SLC26A7: variants seen among roughly 807,000 people sequenced by gnomAD.
SLC26A7 encodes the protein anion exchange transporter.
In SLC26A7, 59 loss-of-function variants were observed where a neutral mutation model predicts 82.5. The ratio of observed to expected loss-of-function variants is 0.72; its 90% CI spans 0.58 to 0.89. The LOEUF (loss-of-function observed/expected upper bound fraction) is 0.89. Among genes scored for constraint, SLC26A7 ranks in the 40% least tolerant of loss-of-function variants. SLC26A7 has a pLI of 0.00. For missense variants in SLC26A7, 820 were observed against 793.0 expected (o/e 1.03, Z -0.41); for synonymous variants, 271 against 274.3 (o/e 0.99, Z 0.12).
At chr8:91,360,362 C>CA (rs1308308080) in intron 11 of SLC26A7, among the ~76,000 whole-genome samples, 1 of 151,782 alleles carries the variant, frequency 6.6e-6, no homozygotes, top group Non-Finnish European at 1.5e-5. Context: ...GAACACATAA[C>CA]AAAAAATAAA....
At position 91,221,812 on chromosome 8, in the gene SLC26A7, G is replaced by A. The variant is rs566369152; in HGVS notation, c.-34+2807G>A. Among the ~76,000 whole-genome samples the A allele has an allele frequency of 2.6e-5, 4 of 152,160 alleles. No individual in the cohort carries two copies. In the East Asian group the frequency reaches 7.7e-4, roughly 29 times the overall value. On this transcript the variant is annotated intron_variant, in intron 2 of 5. Transcript: ENST00000522862. ...TTTGAAGTCAGGTAGCATGATGCCT[G>A]TAGCTTTGTTCTTTTTGCTTAGGAT...
At chr8:91,340,993 T>C (rs1022919305) in intron 8 of SLC26A7, among the ~76,000 whole-genome samples, 2 of 152,066 alleles carry the variant, frequency 1.3e-5, no homozygotes, top group African/African-American at 4.8e-5. Flanking sequence ...TGTTTCTTTT[T>C]TTTTTTTTAT....
At chr8:91,231,549 TCTTTC>T (rs2130674454) in intron 2 of SLC26A7, among the ~76,000 whole-genome samples, 1 of 151,632 alleles carries the variant, frequency 6.6e-6, no homozygotes, top group East Asian at 1.9e-4. Context: ...TCTTTTCCTT[TCTTTC>T]CTTTTCTTTT....
At chr8:91,280,092 C>T (rs1034692239) in intron 2 of SLC26A7, among the ~76,000 whole-genome samples, 4 of 152,140 alleles carry the variant, frequency 2.6e-5, no homozygotes, top group African/African-American at 9.7e-5. Context: ...TGTGCAGAAG[C>T]TTTTTAGTTT....
intron 2 of SLC26A7, among the ~76,000 whole-genome samples, chr8:91,281,988 A>G (rs950109501): frequency 1.3e-5 from 2 of 152,158 alleles, no homozygotes; most frequent in Non-Finnish European, 2.9e-5. Flanking sequence ...TTATTGAGGT[A>G]AAATTTGCAC....
intron 5 of SLC26A7, among the ~76,000 whole-genome samples, chr8:91,327,449 C>T (rs1291499415): frequency 6.6e-6 from 1 of 152,054 alleles, no homozygotes; most frequent in Non-Finnish European, 1.5e-5. Flanking sequence ...GGTGGTGCTA[C>T]TGTTGTCTTA....
intron 1 of SLC26A7, among the ~76,000 whole-genome samples, chr8:91,210,435 C>T (rs1809888112): frequency 6.6e-6 from 1 of 152,048 alleles, no homozygotes; most frequent in Admixed American, 6.6e-5. Context: ...GAAACACTGT[C>T]ATGTGAAAGA....
At chr8:91,220,110 C>T (rs760909847) in intron 2 of SLC26A7, among the ~76,000 whole-genome samples, 1 of 151,992 alleles carries the variant, frequency 6.6e-6, no homozygotes, top group Non-Finnish European at 1.5e-5. Context: ...TGGAGCACAG[C>T]AAAGAGATCC....
intron 2 of SLC26A7, among the ~76,000 whole-genome samples, chr8:91,258,226 T>C (rs552398145): frequency 6.6e-6 from 1 of 152,238 alleles, no homozygotes; most frequent in East Asian, 1.9e-4. Context: ...TATTGGTTAA[T>C]TGTAGGAATA....
At chr8:91,247,838 A>C (rs1810567475), upstream of SLC26A7, among the ~76,000 whole-genome samples, 1 of 152,134 alleles carries the variant, frequency 6.6e-6, no homozygotes, top group South Asian at 2.1e-4. Context: ...TATTTTTCTC[A>C]TATTGTTAAC....
chr8:91,327,354 A>C (rs1163584190), intron 5 of SLC26A7, among the ~76,000 whole-genome samples: 2 of 152,216 alleles, frequency 1.3e-5, no homozygotes. Context: ...TTCTGATAGA[A>C]GTACCATCTA....
chr8:91,356,292 A>C (rs1813866393), intron 11 of SLC26A7, among the ~76,000 whole-genome samples: 1 of 152,224 alleles, frequency 6.6e-6, no homozygotes, highest in East Asian at 1.9e-4. Context: ...TAGATCTCTG[A>C]GGAATCTCCA....
intron 11 of SLC26A7, among the ~76,000 whole-genome samples, chr8:91,356,798 T>G (rs1372572045): frequency 6.6e-6 from 1 of 152,176 alleles, no homozygotes; most frequent in East Asian, 1.9e-4. Context: ...ATTCATTATT[T>G]TATTTCTTTA....
At chr8:91,258,968 G>A (rs193131242) in intron 2 of SLC26A7, among the ~76,000 whole-genome samples, 9 of 152,106 alleles carry the variant, frequency 5.9e-5, no homozygotes, top group South Asian at 2.1e-4. Context: ...CTGCTCGTTC[G>A]CTCTGTGTTG....
At chr8:91,267,701 TACCCA>T (rs1811152378) in intron 2 of SLC26A7, among the ~76,000 whole-genome samples, 1 of 151,814 alleles carries the variant, frequency 6.6e-6, no homozygotes. Context: ...CTTTAAGAAA[TACCCA>T]ACCCTTTTTT....
rs778200759 is a variant in SLC26A7, at chr8:91,295,687, T to C, written c.461T>C (p.Leu154Ser). The change falls in exon 4 of 19, where the codon TTG becomes TCG. Residue 154 changes from leucine (L) to serine (S), a missense_variant. Coordinates refer to ENST00000276609, the MANE Select transcript of SLC26A7 (RefSeq NM_052832.4). ...RIHVAAAVSF[L>S]GGVIQVAMFV... ...CACGTTGCTGCAGCAGTTTCCTTCT[T>C]GGGAGGTGTGATTCAGGTAAGTGAT... 11 of 1,613,900 alleles carry C rather than the reference T, an allele frequency of 6.8e-6. No individual in the cohort carries two copies. The Admixed American group carries it at 1.8e-4, about 27-fold the overall frequency.
chr8:91,290,432 C>T (rs754501009), intron 3 of SLC26A7, among the ~76,000 whole-genome samples: 1 of 152,138 alleles, frequency 6.6e-6, no homozygotes, highest in Non-Finnish European at 1.5e-5. Context: ...CTTGGGGGCT[C>T]TAGGGGCAAT....
chr8:91,338,515 T>C (rs1813308365), intron 7 of SLC26A7, among the ~76,000 whole-genome samples: 1 of 152,178 alleles, frequency 6.6e-6, no homozygotes, highest in African/African-American at 2.4e-5. Context: ...GCATTGACTT[T>C]GCAAATGAGA....
intron 2 of SLC26A7, among the ~76,000 whole-genome samples, chr8:91,225,670 T>G (rs1486697650): frequency 7.7e-6 from 1 of 129,452 alleles, no homozygotes; most frequent in Non-Finnish European, 1.7e-5. Context: ...TTTTTTTTTT[T>G]TTTTTACCAT....
Sources: gnomAD v4.1 joint callset for allele counts (sites outside exome capture counted in the v4.1 genomes callset) on GRCh38, gnomAD v4.1.1 for gene constraint, MANE v1.5 for transcripts, NCBI Gene and HGNC (gene_info 2026-07-23, HGNC 2026-07-21) for gene names.